The following RBMS3 variants were observed in gnomAD, a reference collection of about 807,000 sequenced individuals.
RBMS3 encodes RNA binding motif single stranded interacting protein 3, also known as RNA-binding motif, single-stranded-interacting protein 3.
Under a neutral mutation model 66.8 loss-of-function variants are expected in RBMS3, and 27 were observed. That is an observed-to-expected ratio of 0.40 (90% CI 0.30 to 0.56). The LOEUF is 0.56. RBMS3 is among the 20% of genes least tolerant of loss of function. The pLI, the probability that RBMS3 is intolerant of heterozygous loss-of-function variation, is 0.40. For missense variants in RBMS3, 513 were observed against 549.5 expected (o/e 0.93, Z 0.66); for synonymous variants, 188 against 183.0 (o/e 1.03, Z -0.22).
chr3:29,474,049 G>T (rs1053086846), intron 2 of RBMS3, among the ~76,000 whole-genome samples: 1 of 152,270 alleles, frequency 6.6e-6, no homozygotes, highest in Non-Finnish European at 1.5e-5. Context: ...AGGGCTGCCA[G>T]CACGCTGTCA....
At chr3:29,851,178 G>A (rs546831568) in intron 6 of RBMS3, among the ~76,000 whole-genome samples, 16 of 152,154 alleles carry the variant, frequency 1.1e-4, no homozygotes, top group East Asian at 3.9e-4. Context: ...TCTTTTGGCT[G>A]TCCCTTTTAC....
At chr3:29,327,236 C>T (rs2125504996) in intron 1 of RBMS3, among the ~76,000 whole-genome samples, 1 of 152,258 alleles carries the variant, frequency 6.6e-6, no homozygotes, top group East Asian at 1.9e-4. Flanking sequence ...ACCAGGTTCT[C>T]TTTATCTCCT....
At chr3:29,714,747 T>TAC (rs34878958) in intron 4 of RBMS3, among the ~76,000 whole-genome samples, 2,448 of 149,328 alleles carry the variant, frequency 0.016, 17 homozygotes, top group Middle Eastern at 0.035. Context: ...TGCACACATG[T>TAC]ACACACACAC....
intron 4 of RBMS3, among the ~76,000 whole-genome samples, chr3:29,603,127 A>G (rs1447643686): frequency 6.6e-6 from 1 of 152,012 alleles, no homozygotes; most frequent in East Asian, 1.9e-4. Context: ...CCCACTGTAT[A>G]TCTTCTGAAC....
chr3:29,943,827 G>A (rs1361536513), intron 11 of RBMS3, among the ~76,000 whole-genome samples: 1 of 151,628 alleles, frequency 6.6e-6, no homozygotes, highest in Non-Finnish European at 1.5e-5. Flanking sequence ...TTGTTCTCCA[G>A]GACTTTGTTT....
intron 4 of RBMS3, among the ~76,000 whole-genome samples, chr3:29,642,158 AATG>A (rs1267131161): frequency 1.3e-5 from 2 of 152,092 alleles, no homozygotes; most frequent in African/African-American, 4.8e-5. Context: ...TAGATCTGCC[AATG>A]AGTGGATTCT....
At chr3:29,654,327 C>T (rs2149217784) in intron 4 of RBMS3, among the ~76,000 whole-genome samples, 1 of 152,266 alleles carries the variant, frequency 6.6e-6, no homozygotes, top group Non-Finnish European at 1.5e-5. Flanking sequence ...TATTGGACTA[C>T]AAACTTGCAT....
chr3:29,991,889 A>G (rs1196444531), intron 14 of RBMS3, among the ~76,000 whole-genome samples: 3 of 152,286 alleles, frequency 2.0e-5, no homozygotes, highest in Middle Eastern at 3.4e-3. Context: ...GCAATATAAA[A>G]TATGGTCTTA....
At chr3:29,915,135 C>A (rs1246165442) in intron 10 of RBMS3, among the ~76,000 whole-genome samples, 2 of 149,074 alleles carry the variant, frequency 1.3e-5, no homozygotes, top group African/African-American at 2.5e-5. Context: ...GTTCCCACTG[C>A]TTTTAGAATA....
Position 29,760,292 on chromosome 3 carries a change from C to T in RBMS3, c.558-2618C>T, listed in dbSNP as rs531371345. ...ACATACACACACACACCCCTACACA[C>T]ACACACACACCCCTAGTATTAGTCT... On this transcript the variant is annotated intron_variant, in intron 5 of 14. Transcript: ENST00000383767. Among the ~76,000 whole-genome samples, 62 of 151,404 alleles carry T rather than the reference C, an allele frequency of 4.1e-4. 1 individual carries two copies. Among genetic ancestry groups the T allele is most frequent in the African/African-American group, 1.5e-3 (62 of 40,902 alleles).
intron 1 of RBMS3, among the ~76,000 whole-genome samples, chr3:29,390,039 T>G (rs2039213568): frequency 6.6e-6 from 1 of 152,186 alleles, no homozygotes; most frequent in Non-Finnish European, 1.5e-5. Context: ...CATGTGCTGA[T>G]GGAGATAAAA....
At chr3:29,955,250 A>G (rs1170388284) in intron 12 of RBMS3, among the ~76,000 whole-genome samples, 1 of 151,952 alleles carries the variant, frequency 6.6e-6, no homozygotes, top group Non-Finnish European at 1.5e-5. Context: ...TGTGTCTTGA[A>G]AGGAGTCAGC....
intron 2 of RBMS3, among the ~76,000 whole-genome samples, chr3:29,454,684 A>G (rs1279348467): frequency 1.3e-5 from 2 of 152,180 alleles, no homozygotes; most frequent in African/African-American, 4.8e-5. Context: ...GTATAGTTTC[A>G]ATGGTATTCT....
chr3:29,536,825 G>A lies in RBMS3; in HGVS notation c.307+48326G>A, dbSNP rs544657238. ...TCTCTTGCTACTTAGGATGACAAAA[G>A]CAGTTTCTGCTCCGACTGCAAGTGA... On this transcript the variant is annotated intron_variant, in intron 3 of 14. Transcript: ENST00000383767. Among the ~76,000 whole-genome samples the A allele has an allele frequency of 3.3e-5, 5 of 152,314 alleles. No individual in the cohort carries two copies. In the East Asian group the frequency reaches 9.6e-4, roughly 29 times the overall value.
intron 4 of RBMS3, among the ~76,000 whole-genome samples, chr3:29,714,977 T>C (rs2053330361): frequency 6.6e-6 from 1 of 151,740 alleles, no homozygotes; most frequent in Admixed American, 6.6e-5. Context: ...TCTTGTGTAG[T>C]TTCATCCCTC....
intron 1 of RBMS3, among the ~76,000 whole-genome samples, chr3:29,303,941 A>G (rs2033843097): frequency 6.6e-6 from 1 of 151,964 alleles, no homozygotes; most frequent in Non-Finnish European, 1.5e-5. Flanking sequence ...CAAAAGCGGA[A>G]ACCCCTGTTA....
chr3:29,941,846 A>G (rs1056461314), intron 11 of RBMS3, among the ~76,000 whole-genome samples: 3 of 151,840 alleles, frequency 2.0e-5, no homozygotes, highest in African/African-American at 7.2e-5. Context: ...CCCATCAAAT[A>G]AAGCTATCAA....
intron 4 of RBMS3, among the ~76,000 whole-genome samples, chr3:29,623,158 G>T: frequency 9.2e-6 from 1 of 108,320 alleles, no homozygotes; most frequent in South Asian, 3.8e-4. Flanking sequence ...AATTAAAGGG[G>T]ATTAAATTAA....
At chr3:29,394,251 T>C (rs541958801) in intron 1 of RBMS3, among the ~76,000 whole-genome samples, 3 of 152,334 alleles carry the variant, frequency 2.0e-5, no homozygotes, top group Admixed American at 6.5e-5. Context: ...ATTCGCTTTC[T>C]GCAAGAAGAG....
Sources: allele counts gnomAD v4.1 joint callset (sites outside exome capture counted in the v4.1 genomes callset), GRCh38; gene constraint gnomAD v4.1.1; transcripts MANE v1.5; gene names NCBI Gene and HGNC (gene_info 2026-07-23, HGNC 2026-07-21).